The following NLRP1 variants were observed in gnomAD, a reference collection of about 807,000 sequenced individuals.
The protein encoded by NLRP1 is NLR family pyrin domain containing 1.
In NLRP1, 94 loss-of-function variants were observed where a neutral mutation model predicts 136.7. The ratio of observed to expected loss-of-function variants is 0.69; its 90% CI spans 0.58 to 0.82. The LOEUF (loss-of-function observed/expected upper bound fraction) is 0.82. Among genes scored for constraint, NLRP1 ranks in the 40% least tolerant of loss-of-function variants. NLRP1 has a pLI of 0.00. For missense variants in NLRP1, 1,575 were observed against 1,802.7 expected, an observed-to-expected ratio of 0.87 and a Z score of 2.29; for synonymous variants, 690 against 725.1, an observed-to-expected ratio of 0.95 and a Z score of 0.78.
At chr17:5,539,832 G>C (rs541114316) in intron 6 of NLRP1, 2 of 183,814 alleles carry the variant, frequency 1.1e-5, no homozygotes, top group East Asian at 3.8e-4. Context: ...CACTGATCCA[G>C]TCCCCTCACT....
rs149910442 is a variant in NLRP1 at position 5,558,750 on chromosome 17, C to A, written c.1946G>T (p.Cys649Phe). The change falls in exon 4 of 17, where the codon TGC (cysteine) becomes TTC (phenylalanine). Residue 649 changes from cysteine (C) to phenylalanine (F), a missense_variant. Physicochemically the swap from Cys to Phe is radical, Grantham distance 205. Coordinates refer to ENST00000572272, the MANE Select transcript of NLRP1 (RefSeq NM_033004.4). The part of the protein sequence containing the change: ...DEKGRGKHSN[C>F]IIDLEKTLEA... ...TAGCGTCTTTTCCAAATCTATGATG[C>A]AATTAGAATGTTTACCTCTCCCCTT... 9.3e-6 allele frequency: 15 copies of A among 1,613,992 alleles called. No individual in the cohort carries two copies. The highest frequency in any genetic ancestry group is 4.4e-5 in the South Asian group (4 of 91,092).
intron 3 of NLRP1, among the ~76,000 whole-genome samples, chr17:5,578,281 G>A (rs1434716300): frequency 7.9e-5 from 12 of 152,184 alleles, no homozygotes; most frequent in South Asian, 6.2e-4. Flanking sequence ...AAACTAAAGA[G>A]CTTCTGCACA....
intron 3 of NLRP1, among the ~76,000 whole-genome samples, chr17:5,562,333 G>A (rs1393410632): frequency 6.6e-6 from 1 of 152,252 alleles, no homozygotes; most frequent in Non-Finnish European, 1.5e-5. Context: ...ACAGAGGTGA[G>A]ATGTCCGAGT....
At position 5,545,529 on chromosome 17, in the gene NLRP1, GACACAGACAC is replaced by G. The variant is rs1398666663; in HGVS notation, c.2529-3512_2529-3503del. 5.9e-5 allele frequency among the ~76,000 whole-genome samples: 8 copies of G among 134,870 alleles called. No individual in the cohort carries two copies. The East Asian group carries it at 1.3e-3, about 22-fold the overall frequency. 88.5% of individuals were successfully genotyped at this position (134,870 alleles called of 152,430 possible). On this transcript the variant is annotated intron_variant, in intron 5 of 16. Transcript: ENST00000572272. ...ACACACACATACACACACAGACACA[GACACAGACAC>G]ACACACAGACACACACAGACACACA...
In NLRP1 at chr17:5,559,319, C is replaced by T; in HGVS notation, c.1377G>A (p.Arg459=). 1.2e-6 allele frequency: 2 copies of T among 1,614,100 alleles called. No homozygotes were observed. Among genetic ancestry groups the T allele is most frequent in the Non-Finnish European group, 1.7e-6 (2 of 1,179,982 alleles). Residue 459 remains arginine, a synonymous_variant, in exon 4 of 17, where the codon CGG becomes CGA. Coordinates refer to ENST00000572272, the MANE Select transcript of NLRP1 (RefSeq NM_033004.4). ...GAATGAGGTTCTGCAGAGCTGTGGTCCGAGCCGTGATCAGGAAGGATGCCT... is the reference window on the plus strand; with the variant it reads ...GAATGAGGTTCTGCAGAGCTGTGGTTCGAGCCGTGATCAGGAAGGATGCCT... ...LPEASFLITA[R]TTALQNLIPS... is the part of the protein sequence containing the mutation.
chr17:5,559,060 T>C lies in NLRP1; in HGVS notation c.1636A>G (p.Thr546Ala). The C allele has an allele frequency of 3.1e-6, 5 of 1,614,098 alleles. No individual in the cohort carries two copies. The highest frequency in any genetic ancestry group is 4.2e-6 in the Non-Finnish European group (5 of 1,180,024). The change falls in exon 4 of 17, where the codon ACC (threonine) becomes GCC (alanine). Residue 546 changes from threonine to alanine, a missense_variant. Coordinates refer to ENST00000572272, the MANE Select transcript of NLRP1 (RefSeq NM_033004.4). ...RKEKLTLTSK[T>A]TTTLCLHYLA... Reference sequence around the variant, plus strand: ...TAATGTAGACAGAGGGTTGTGGTGGTCTTGGAAGTCAGTGTGAGTTTTTCC... The same window carrying C: ...TAATGTAGACAGAGGGTTGTGGTGGCCTTGGAAGTCAGTGTGAGTTTTTCC...
intron 4 of NLRP1, among the ~76,000 whole-genome samples, chr17:5,554,724 A>C (rs913284292): frequency 2.6e-5 from 4 of 152,190 alleles, no homozygotes; most frequent in Non-Finnish European, 4.4e-5. Context: ...AGTACTACAA[A>C]CATATAAAAA....
intron 5 of NLRP1, among the ~76,000 whole-genome samples, chr17:5,552,099 T>A: frequency 6.9e-6 from 1 of 143,930 alleles, no homozygotes; most frequent in Admixed American, 6.9e-5. Context: ...TTTTTTTTTT[T>A]TTTTTTTTTT....
chr17:5,531,171 C>T (rs143798979), intron 11 of NLRP1, among the ~76,000 whole-genome samples: 1 of 134,954 alleles, frequency 7.4e-6, no homozygotes, highest in Non-Finnish European at 1.6e-5. Flanking sequence ...TCTAATCTAT[C>T]TAATCTATCT....
At chr17:5,582,892 G>A (rs368654639) in intron 1 of NLRP1, 46 bp from the exon 2 acceptor site, 27 of 1,490,842 alleles carry the variant, frequency 1.8e-5, no homozygotes, top group East Asian at 6.9e-5. Flanking sequence ...AGAGGGGCAG[G>A]GGCAAGGTGC....
rs1389276183 is a variant in NLRP1, at chr17:5,533,111, A to G, written c.3134-127T>C. 4 of 1,423,046 alleles carry G rather than the reference A, an allele frequency of 2.8e-6. No individual in the cohort carries two copies. The African/African-American group carries it at 5.8e-5, about 20-fold the overall frequency. The allele number at this position is 1,423,046 out of a possible 1,614,324, so 88.2% of individuals were successfully genotyped here. A position where few individuals can be genotyped will look rare whatever the true frequency, so the allele number is the denominator to read the frequency against. Reference sequence around the variant, plus strand: ...GGACCATGGCAGGGAGTGTGTCTGCAGCTTCTGCTCCTGCTCCATGGCTGC... The same window carrying G: ...GGACCATGGCAGGGAGTGTGTCTGCGGCTTCTGCTCCTGCTCCATGGCTGC... On this transcript the variant is annotated intron_variant, in intron 10 of 16. Transcript: ENST00000572272.
intron 5 of NLRP1, among the ~76,000 whole-genome samples, chr17:5,552,477 G>A (rs897430868): frequency 4.6e-5 from 7 of 151,984 alleles, no homozygotes; most frequent in Non-Finnish European, 8.8e-5. Context: ...ACCTTGAAAG[G>A]ATCTTGAAAC....
chr17:5,559,921 C>A lies in NLRP1; in HGVS notation c.775G>T (p.Val259Leu). 2 of 1,614,230 alleles carry A rather than the reference C, an allele frequency of 1.2e-6. No individual in the cohort carries two copies. The highest frequency in any genetic ancestry group is 1.7e-6 in the Non-Finnish European group (2 of 1,180,040). The change falls in exon 4 of 17, where the codon GTG (valine) becomes TTG (leucine). Residue 259 changes from valine (V) to leucine (L), a missense_variant. Val to Leu is a conservative substitution (Grantham distance 32). Coordinates refer to ENST00000572272, the MANE Select transcript of NLRP1 (RefSeq NM_033004.4). ...CATGTGGAACAGAGGCTCTCTCTCA[C>A]AGAAGGCTCCCATGGGTGGTGGTGG... ...QPHHHPWEPS[V>L]RESLCSTWPW...
intron 3 of NLRP1, among the ~76,000 whole-genome samples, chr17:5,569,615 T>C (rs1259262392): frequency 6.6e-6 from 1 of 152,168 alleles, no homozygotes; most frequent in Admixed American, 6.5e-5. Context: ...AGCACCCAGA[T>C]TCATAAGACG....
chr17:5,583,997 C>T lies in NLRP1; in HGVS notation c.-40G>A, dbSNP rs901590832. Reference sequence around the variant, plus strand: ...TAAGAGGGTGTCTGGGGGATGTTCCCAGGTGGTGAGGGTATCAGGCAGGCA... The same window carrying T: ...TAAGAGGGTGTCTGGGGGATGTTCCTAGGTGGTGAGGGTATCAGGCAGGCA... On this transcript the variant is annotated 5_prime_UTR_variant, in exon 1 of 17. Transcript: ENST00000572272. This position sits in a 1 kb window ranked among gnomAD's most constrained non-coding sequence, Gnocchi z 4.5. 6.3e-7 allele frequency: 1 copy of T among 1,586,706 alleles called. No homozygotes were observed. The highest frequency in any genetic ancestry group is 1.7e-5 in the Admixed American group (1 of 57,484).
intron 3 of NLRP1, among the ~76,000 whole-genome samples, chr17:5,579,788 A>G (rs1229750181): frequency 6.6e-6 from 1 of 152,226 alleles, no homozygotes; most frequent in Non-Finnish European, 1.5e-5. Flanking sequence ...GTTGGAGAGC[A>G]TTATAAGTGA....
intron 15 of NLRP1, chr17:5,503,523 T>C (rs945725186): frequency 2.0e-5 from 3 of 152,162 alleles, no homozygotes; most frequent in African/African-American, 7.2e-5. Flanking sequence ...TTATTATTTT[T>C]TACCTGGTCT....
chr17:5,534,435 T>A (rs1910757221), intron 8 of NLRP1, among the ~76,000 whole-genome samples: 1 of 152,142 alleles, frequency 6.6e-6, no homozygotes, highest in South Asian at 2.1e-4. Flanking sequence ...TCTTCTGTGG[T>A]CCCTGTCTCT....
intron 3 of NLRP1, among the ~76,000 whole-genome samples, chr17:5,560,609 C>T (rs192264260): frequency 4.8e-4 from 73 of 152,312 alleles, no homozygotes; most frequent in Admixed American, 2.4e-3. Context: ...GTTCTCCAGT[C>T]CAGGAGGTGC....
Sources: gnomAD v4.1 joint callset for allele counts (sites outside exome capture counted in the v4.1 genomes callset) on GRCh38, gnomAD v4.1.1 for gene constraint, Gnocchi (gnomAD v3.1) non-coding constraint, MANE v1.5 for transcripts, NCBI Gene and HGNC (gene_info 2026-07-23, HGNC 2026-07-21) for gene names.